INPP4A: variants seen among roughly 807,000 people sequenced by gnomAD.
The protein encoded by INPP4A is inositol polyphosphate-4-phosphatase, type I, 107kD.
A neutral mutation model predicts 119.8 loss-of-function variants in INPP4A; 33 were observed. That is an observed-to-expected ratio of 0.28 (90% CI 0.21 to 0.37). INPP4A has a LOEUF of 0.37. Among genes scored for constraint, INPP4A ranks in the 10% least tolerant of loss-of-function variants. The pLI, the probability that INPP4A is intolerant of heterozygous loss-of-function variation, is 1.00. For missense variants in INPP4A, 956 were observed against 1,289.9 expected (o/e 0.74, Z 3.97); for synonymous variants, 496 against 500.7 (o/e 0.99, Z 0.12).
chr2:98,468,478 A>G (rs1675251404), intron 1 of INPP4A, among the ~76,000 whole-genome samples: 1 of 152,030 alleles, frequency 6.6e-6, no homozygotes, highest in African/African-American at 2.4e-5. Context: ...GCCTCAAATG[A>G]TCCTCTCACC....
At chr2:98,534,365 T>C (rs1453778446) in intron 5 of INPP4A, among the ~76,000 whole-genome samples, 1 of 151,976 alleles carries the variant, frequency 6.6e-6, no homozygotes, top group Non-Finnish European at 1.5e-5. Flanking sequence ...ATGGGAAGTA[T>C]TGGAGTAGGA....
intron 13 of INPP4A, among the ~76,000 whole-genome samples, chr2:98,549,816 G>A (rs1194414537): frequency 6.6e-6 from 1 of 152,090 alleles, no homozygotes; most frequent in Non-Finnish European, 1.5e-5. Context: ...GGTACTTTAG[G>A]TACAAGGGAG....
chr2:98,576,402 A>G (rs1469068998), intron 23 of INPP4A, among the ~76,000 whole-genome samples: 2 of 152,136 alleles, frequency 1.3e-5, no homozygotes, highest in East Asian at 3.9e-4. Flanking sequence ...TGCTACCGGG[A>G]AAGTATGGCG....
At chr2:98,448,334 C>T (rs569892689) in intron 1 of INPP4A, among the ~76,000 whole-genome samples, 98 of 129,642 alleles carry the variant, frequency 7.6e-4, no homozygotes, top group Non-Finnish European at 1.1e-3. Context: ...CTAGCCTAGG[C>T]AGCAGAGTGA....
chr2:98,558,754 T>A (rs1559073760), intron 16 of INPP4A, among the ~76,000 whole-genome samples: 2 of 152,256 alleles, frequency 1.3e-5, no homozygotes, highest in South Asian at 4.1e-4. Context: ...ATGAGAAATT[T>A]TGGTTTTTAA....
chr2:98,576,335 G>A (rs527801149), intron 23 of INPP4A, among the ~76,000 whole-genome samples: 1 of 152,262 alleles, frequency 6.6e-6, no homozygotes, highest in South Asian at 2.1e-4. Context: ...AGGCTGCCCT[G>A]CCCCCTACTC....
At chr2:98,505,707 C>T (rs1683913601) in intron 1 of INPP4A, among the ~76,000 whole-genome samples, 1 of 152,232 alleles carries the variant, frequency 6.6e-6, no homozygotes, top group African/African-American at 2.4e-5. Context: ...GCCGTCACCA[C>T]AGACGCCTGG....
At chr2:98,519,141 A>C (rs557272182) in intron 2 of INPP4A, 116 bp downstream of exon 2, 1 of 152,314 alleles carries the variant, frequency 6.6e-6, no homozygotes, top group African/African-American at 2.4e-5. Context: ...CCTCTGAGAG[A>C]GTGTTTTAAA....
chr2:98,471,265 T>C (rs906117608), intron 1 of INPP4A, among the ~76,000 whole-genome samples: 1 of 152,206 alleles, frequency 6.6e-6, no homozygotes, highest in African/African-American at 2.4e-5. Context: ...AGAAACACTG[T>C]TGAGTTACTT....
chr2:98,531,620 A>T (rs1433055282), intron 4 of INPP4A, among the ~76,000 whole-genome samples: 1 of 152,196 alleles, frequency 6.6e-6, no homozygotes, highest in Non-Finnish European at 1.5e-5. Flanking sequence ...AAAACACAAC[A>T]CTTAAAGTAG....
intron 1 of INPP4A, among the ~76,000 whole-genome samples, chr2:98,459,848 C>T (rs1319576030): frequency 6.6e-6 from 1 of 152,218 alleles, no homozygotes; most frequent in Non-Finnish European, 1.5e-5. Context: ...CAGCCTGCTT[C>T]CCTGAGGTCA....
At chr2:98,497,499 G>C (rs1393342858) in intron 1 of INPP4A, among the ~76,000 whole-genome samples, 1 of 152,220 alleles carries the variant, frequency 6.6e-6, no homozygotes, top group African/African-American at 2.4e-5. Flanking sequence ...GCTAGCCCAT[G>C]AAAGGAGCCA....
chr2:98,518,232 AT>A (rs1326441641), intron 1 of INPP4A, among the ~76,000 whole-genome samples: 2 of 152,146 alleles, frequency 1.3e-5, no homozygotes, highest in Admixed American at 1.3e-4. Context: ...CCCCTTGGTG[AT>A]TTTTATTGTG....
chr2:98,527,947 T>A (rs950702942), intron 4 of INPP4A, among the ~76,000 whole-genome samples: 1 of 152,214 alleles, frequency 6.6e-6, no homozygotes, highest in African/African-American at 2.4e-5. Flanking sequence ...CACATTATAT[T>A]ATTTAAAATG....
chr2:98,477,310 T>C (rs1033892620), intron 1 of INPP4A, among the ~76,000 whole-genome samples: 19 of 152,236 alleles, frequency 1.2e-4, no homozygotes, highest in Non-Finnish European at 1.5e-5. Context: ...AGCTGCCTGC[T>C]TCAGGCACGC....
intron 1 of INPP4A, among the ~76,000 whole-genome samples, chr2:98,507,373 C>T (rs1007978727): frequency 6.6e-6 from 1 of 152,142 alleles, no homozygotes; most frequent in Non-Finnish European, 1.5e-5. Context: ...GTGTCTGATA[C>T]AATGTAAAGC....
At position 98,510,517 on chromosome 2, in the gene INPP4A, G is replaced by T. The variant is rs563758612; in HGVS notation, c.-165-8447G>T. Among the ~76,000 whole-genome samples, 24 of 152,314 alleles carry T rather than the reference G, an allele frequency of 1.6e-4. No individual in the cohort carries two copies. In the South Asian group the frequency reaches 5.0e-3, roughly 32 times the overall value. On this transcript the variant is annotated intron_variant, in intron 1 of 24. Coordinates refer to ENST00000409851, the MANE Select transcript of INPP4A (RefSeq NM_001134225.2). ...TTAGACCTGTGGATGTTGGGAAGGC[G>T]CTGGCATTTAGGGTCTGCTGAGGGC...
At chr2:98,506,752 T>C (rs1405089674) in intron 1 of INPP4A, among the ~76,000 whole-genome samples, 3 of 152,160 alleles carry the variant, frequency 2.0e-5, no homozygotes, top group Non-Finnish European at 4.4e-5. Context: ...AGGGGAGGAA[T>C]GGTGGCTGCT....
At chr2:98,562,558 G>A (rs1358202819) in intron 17 of INPP4A, among the ~76,000 whole-genome samples, 1 of 152,186 alleles carries the variant, frequency 6.6e-6, no homozygotes, top group Non-Finnish European at 1.5e-5. Flanking sequence ...TGTACTGCCT[G>A]GGCTTCACTC....
Sources: allele counts gnomAD v4.1 joint callset (sites outside exome capture counted in the v4.1 genomes callset), GRCh38; gene constraint gnomAD v4.1.1; transcripts MANE v1.5; gene names NCBI Gene and HGNC (gene_info 2026-07-23, HGNC 2026-07-21).